Variants in HMGA2 observed in about 807,000 individuals in gnomAD.
HMGA2 encodes high mobility group protein HMGI-C.
Under a neutral mutation model 19.1 loss-of-function variants are expected in HMGA2, and 8 were observed. The ratio of observed to expected loss-of-function variants is 0.42; its 90% CI spans 0.25 to 0.76. HMGA2 has a LOEUF of 0.76. HMGA2 is among the 30% of genes least tolerant of loss of function. HMGA2 has a pLI of 0.28. For synonymous variants in HMGA2, 60 were observed against 48.8 expected (o/e 1.23, Z -0.96); for missense variants, 109 against 136.3 (o/e 0.80, Z 1.00).
intron 3 of HMGA2, chr12:65,858,163 A>AT (rs1871841089): frequency 6.6e-6 from 1 of 152,650 alleles, no homozygotes; most frequent in African/African-American, 2.4e-5. Context: ...ATGGAAAAAC[A>AT]TAATAGGCAT....
chr12:65,842,877 T>A, intron 3 of HMGA2: 1 of 1,285,060 alleles, frequency 7.8e-7, no homozygotes, highest in Non-Finnish European at 9.8e-7. Flanking sequence ...AGAGTGGGGC[T>A]CAGGCTCAAG....
intron 4 of HMGA2, chr12:65,952,192 T>A (rs1160224347): frequency 5.2e-6 from 3 of 572,702 alleles, no homozygotes; most frequent in African/African-American, 3.7e-5. Context: ...ATGTAAATAG[T>A]CATTGGAGAT....
intron 2 of HMGA2, chr12:65,831,087 CTG>C: frequency 6.6e-6 from 1 of 151,960 alleles, no homozygotes; most frequent in African/African-American, 2.4e-5. Flanking sequence ...GTGTATACGT[CTG>C]TGTGAGCATA....
intron 3 of HMGA2, among the ~76,000 whole-genome samples, chr12:65,850,422 G>C (rs916261847): frequency 2.2e-4 from 34 of 152,004 alleles, no homozygotes; most frequent in African/African-American, 7.5e-4. Context: ...AATGGGTTAT[G>C]TATATTATTG....
intron 3 of HMGA2, among the ~76,000 whole-genome samples, chr12:65,874,949 T>C (rs1872904607): frequency 1.3e-5 from 2 of 152,208 alleles, no homozygotes; most frequent in South Asian, 4.1e-4. Flanking sequence ...TCTGCAGTAC[T>C]TATTTTATCT....
intron 3 of HMGA2, among the ~76,000 whole-genome samples, chr12:65,889,119 A>T (rs1031360312): frequency 6.6e-6 from 1 of 152,226 alleles, no homozygotes; most frequent in South Asian, 2.1e-4. Flanking sequence ...AAGAAATATT[A>T]GTTGTGCCCA....
chr12:65,921,996 A>G (rs1875331174), intron 3 of HMGA2, among the ~76,000 whole-genome samples: 2 of 152,308 alleles, frequency 1.3e-5, no homozygotes, highest in East Asian at 3.9e-4. Flanking sequence ...AGGTTTGCCA[A>G]CCTCCACCTA....
intron 3 of HMGA2, among the ~76,000 whole-genome samples, chr12:65,928,919 T>C (rs1875610920): frequency 6.6e-6 from 1 of 152,190 alleles, no homozygotes; most frequent in Non-Finnish European, 1.5e-5. Context: ...AGACAAAGAG[T>C]ACATATATAT....
intron 3 of HMGA2, among the ~76,000 whole-genome samples, chr12:65,910,638 C>T (rs901064308): frequency 3.9e-5 from 6 of 152,158 alleles, no homozygotes; most frequent in Admixed American, 3.9e-4. Flanking sequence ...CCTGAGTTTT[C>T]ATGACATCTT....
At chr12:65,918,648 A>T (rs532613529) in intron 3 of HMGA2, among the ~76,000 whole-genome samples, 1 of 152,342 alleles carries the variant, frequency 6.6e-6, no homozygotes, top group South Asian at 2.1e-4. Context: ...AAGAAAAGAA[A>T]CAAAACTCAG....
intron 4 of HMGA2, among the ~76,000 whole-genome samples, chr12:65,959,968 C>T (rs1454848633): frequency 6.6e-6 from 1 of 152,180 alleles, no homozygotes; most frequent in East Asian, 1.9e-4. Flanking sequence ...CGGCTCACTG[C>T]AAGCTCTGCT....
At chr12:65,864,351 T>A (rs940028671) in intron 3 of HMGA2, among the ~76,000 whole-genome samples, 1 of 152,196 alleles carries the variant, frequency 6.6e-6, no homozygotes, top group African/African-American at 2.4e-5. Flanking sequence ...GCCAAGATGA[T>A]AATTTTTTGG....
intron 3 of HMGA2, among the ~76,000 whole-genome samples, chr12:65,942,407 G>GTA (rs1388491528): frequency 6.6e-6 from 1 of 152,084 alleles, no homozygotes; most frequent in African/African-American, 2.4e-5. Context: ...TAAAAAATAT[G>GTA]TATATATGTG....
At position 65,874,646 on chromosome 12, in the gene HMGA2, C is replaced by T. The variant is rs543277786; in HGVS notation, c.249+36077C>T. 4.0e-4 allele frequency among the ~76,000 whole-genome samples: 61 copies of T among 152,200 alleles called. 2 individuals carry two copies. The South Asian group carries it at 0.012, about 31-fold the overall frequency. The stretch of plus-strand genomic sequence containing the variant: ...TGCTTTATAATAAGCAGCTTGCTAC[C>T]CTGATTTACCCGCAGAACCACCTTA... On this transcript the variant is annotated intron_variant, in intron 3 of 4. Coordinates refer to ENST00000403681, the MANE Select transcript of HMGA2 (RefSeq NM_003483.6).
At chr12:65,949,945 A>C (rs1362225330) in intron 3 of HMGA2, among the ~76,000 whole-genome samples, 1 of 152,252 alleles carries the variant, frequency 6.6e-6, no homozygotes, top group Admixed American at 6.5e-5. Context: ...TAAGCACATG[A>C]AAAGATGCTC....
intron 3 of HMGA2, chr12:65,873,797 G>A (rs148939647): frequency 4.6e-5 from 7 of 152,180 alleles, no homozygotes; most frequent in Non-Finnish European, 7.3e-5. Context: ...GTATTTGCCC[G>A]TGCTTGCACA....
chr12:65,919,708 A>G (rs987969141), intron 3 of HMGA2, among the ~76,000 whole-genome samples: 2 of 152,248 alleles, frequency 1.3e-5, no homozygotes, highest in South Asian at 2.1e-4. Flanking sequence ...GAATCCATCA[A>G]TACCACTGAA....
In HMGA2 at chr12:65,926,983, T is replaced by C. The variant is rs557682847; in HGVS notation, c.250-24400T>C. 3.3e-5 allele frequency among the ~76,000 whole-genome samples: 5 copies of C among 152,290 alleles called. No individual in the cohort carries two copies. In the South Asian group the frequency reaches 1.0e-3, roughly 32 times the overall value. ...GGGTCTTTTTGCCACTTAAGTGTAA[T>C]GGGAGGAGGGTATATCATTGGAGAC... On this transcript the variant is annotated intron_variant, in intron 3 of 4. Coordinates refer to ENST00000403681, the MANE Select transcript of HMGA2 (RefSeq NM_003483.6).
chr12:65,947,175 A>G (rs1016753694), intron 3 of HMGA2, among the ~76,000 whole-genome samples: 1 of 151,486 alleles, frequency 6.6e-6, no homozygotes, highest in African/African-American at 2.4e-5. Flanking sequence ...GCGGGAGTGC[A>G]ATGGTGTGAT....
Sources: allele counts gnomAD v4.1 joint callset (sites outside exome capture counted in the v4.1 genomes callset), GRCh38; gene constraint gnomAD v4.1.1; transcripts MANE v1.5; gene names NCBI Gene and HGNC (gene_info 2026-07-23, HGNC 2026-07-21).